Variants in TEX14 observed in about 807,000 individuals in gnomAD.
TEX14 encodes testis expressed 14, intercellular bridge forming factor.
A neutral mutation model predicts 178.6 loss-of-function variants in TEX14; 168 were observed. That is an observed-to-expected ratio of 0.94 (90% CI 0.83 to 1.07). The LOEUF (loss-of-function observed/expected upper bound fraction) is 1.07, where lower values mean the gene tolerates loss of function less well. TEX14 is among the 50% of genes least tolerant of loss of function. The probability of loss-of-function intolerance (pLI) is 0.00; values close to 1 mark genes in which losing one functional copy is unlikely to be tolerated. For missense variants in TEX14, 1,730 were observed against 1,753.6 expected (o/e 0.99, Z 0.24); for synonymous variants, 626 against 634.1 (o/e 0.99, Z 0.19).
intron 10 of TEX14, among the ~76,000 whole-genome samples, chr17:58,609,518 T>C (rs943878600): frequency 4.6e-5 from 7 of 152,160 alleles, no homozygotes; most frequent in Non-Finnish European, 4.4e-5. Context: ...GCTGGAATTA[T>C]AGGCATGAGC....
chr17:58,653,104 T>C (rs1190099768), intron 1 of TEX14, among the ~76,000 whole-genome samples: 1 of 151,972 alleles, frequency 6.6e-6, no homozygotes, highest in Non-Finnish European at 1.5e-5. Context: ...GCCCAGCTAA[T>C]TTTTTGTATT....
chr17:58,570,479 T>C lies in TEX14; in HGVS notation c.3723A>G (p.Arg1241=). Residue 1241 remains arginine (R), a synonymous_variant, in exon 25 of 32, where the codon AGA becomes AGG. Coordinates refer to ENST00000349033, the MANE Select transcript of TEX14 (RefSeq NM_031272.5). ...TPPSRLTGLK[R]LSSFIGAGSP... is the part of the protein sequence containing the mutation. ...ATCCAGCCCCAATAAATGAAGACAA[T>C]CTTTTCTATAAGGAAGAGATAAACA... The C allele has an allele frequency of 6.6e-7, 1 of 1,524,944 alleles. No individual in the cohort carries two copies. 94.5% of individuals were successfully genotyped at this position (1,524,944 alleles called of 1,614,324 possible).
At position 58,621,715 on chromosome 17, in the gene TEX14, CAGG is replaced by C. The variant is rs1567740783; in HGVS notation, c.486_488del (p.Leu163del). The C allele has an allele frequency of 1.2e-6, 2 of 1,614,188 alleles. No individual in the cohort carries two copies. Among genetic ancestry groups the C allele is most frequent in the Admixed American group, 1.7e-5 (1 of 60,018 alleles). On this transcript the variant is annotated inframe_deletion, in exon 5 of 32. Coordinates refer to ENST00000349033, the MANE Select transcript of TEX14 (RefSeq NM_031272.5). ...GCCGCTGCGGGGAGTCTATCTTCTT[CAGG>C]AGGTCGTAAGAGAAGCCCTGGATGA...
At chr17:58,612,259 T>C (rs1440093233) in intron 9 of TEX14, among the ~76,000 whole-genome samples, 1 of 152,118 alleles carries the variant, frequency 6.6e-6, no homozygotes, top group South Asian at 2.1e-4. Context: ...GTGTCTGTAT[T>C]TTCTGGGTCC....
At chr17:58,602,751 T>C (rs2144485650) in intron 11 of TEX14, among the ~76,000 whole-genome samples, 161 bp from the exon 12 acceptor site, 1 of 152,164 alleles carries the variant, frequency 6.6e-6, no homozygotes, top group Admixed American at 6.6e-5. Context: ...TTTCCTTATA[T>C]ATTAATTTCT....
At chr17:58,658,801 T>G (rs1010538806) in intron 1 of TEX14, among the ~76,000 whole-genome samples, 3 of 146,146 alleles carry the variant, frequency 2.1e-5, no homozygotes, top group African/African-American at 7.8e-5. Context: ...ACCCAGGAAT[T>G]TTTTTTTTTT....
At chr17:58,604,717 C>G (rs186859795) in intron 11 of TEX14, among the ~76,000 whole-genome samples, 2 of 151,500 alleles carry the variant, frequency 1.3e-5, no homozygotes, top group African/African-American at 4.8e-5. Context: ...CGTGCCACCA[C>G]GCCCAGCTAA....
chr17:58,635,481 G>A (rs1017959649), intron 2 of TEX14, among the ~76,000 whole-genome samples: 4 of 147,704 alleles, frequency 2.7e-5, no homozygotes, highest in Non-Finnish European at 5.9e-5. Context: ...CCATGCTGGA[G>A]TACAGTGGCA....
At chr17:58,606,224 T>A (rs1598380304) in intron 10 of TEX14, among the ~76,000 whole-genome samples, 1 of 152,198 alleles carries the variant, frequency 6.6e-6, no homozygotes, top group South Asian at 2.1e-4. Context: ...AACTCAGCAC[T>A]GACTTGTGCC....
At chr17:58,620,281 G>A (rs564333878) in intron 5 of TEX14, among the ~76,000 whole-genome samples, 1 of 152,038 alleles carries the variant, frequency 6.6e-6, no homozygotes, top group Non-Finnish European at 1.5e-5. Context: ...AGGTCCTTAA[G>A]GAGTTTTAGC....
At chr17:58,599,982 A>T (rs2045390450) in intron 13 of TEX14, among the ~76,000 whole-genome samples, 1 of 152,150 alleles carries the variant, frequency 6.6e-6, no homozygotes, top group African/African-American at 2.4e-5. Flanking sequence ...CATGCAAATT[A>T]GAGGCCCCTG....
intron 12 of TEX14, 121 bp from the exon 13 acceptor site, chr17:58,602,077 T>C: frequency 1.0e-6 from 1 of 995,258 alleles, no homozygotes; most frequent in Non-Finnish European, 1.5e-6. Context: ...AGACTGACTT[T>C]AGTCCTAATT....
chr17:58,602,431 T>C lies in TEX14; in HGVS notation c.1496A>G (p.Asp499Gly). The change falls in exon 12 of 32, where the codon GAT (aspartate) becomes GGT (glycine). Residue 499 changes from aspartate to glycine, a missense_variant. Asp to Gly is a moderately conservative substitution (Grantham distance 94). Transcript: ENST00000349033. Reference protein sequence around the residue: ...KQKDRTMNLQDIRYILKNDLK... With the variant: ...KQKDRTMNLQGIRYILKNDLK... ...GTCATTCTTCAGAATATACCGGATA[T>C]CTTGAAGGTTCATAGTTCGGTCTTT... 6.2e-7 allele frequency: 1 copy of C among 1,614,034 alleles called. No homozygotes were observed. The highest frequency in any genetic ancestry group is 8.5e-7 in the Non-Finnish European group (1 of 1,179,986).
intron 19 of TEX14, among the ~76,000 whole-genome samples, chr17:58,583,157 G>T (rs1005862906): frequency 6.6e-5 from 10 of 151,526 alleles, no homozygotes; most frequent in Non-Finnish European, 8.8e-5. Context: ...TTTTTAGACA[G>T]GGTCTCACTC....
intron 1 of TEX14, among the ~76,000 whole-genome samples, chr17:58,687,245 G>T (rs1355792714): frequency 6.6e-6 from 1 of 152,012 alleles, no homozygotes; most frequent in Non-Finnish European, 1.5e-5. Flanking sequence ...GCCTACTCTG[G>T]ACTCAGCAGC....
intron 11 of TEX14, among the ~76,000 whole-genome samples, chr17:58,604,069 G>A (rs1409624235): frequency 6.6e-6 from 1 of 151,980 alleles, no homozygotes; most frequent in Non-Finnish European, 1.5e-5. Flanking sequence ...AATGGACACA[G>A]GGTGTGTTTC....
rs56343451 is a variant in TEX14, at chr17:58,586,089, A to G, written c.2789-7T>C. ...GCCATTTCTTTCACCTCCACTGTGC[A>G]TAAGAGAAAGCAGCATTTAAAACAT... On this transcript the variant is annotated splice_region_variant and splice_polypyrimidine_tract_variant and intron_variant, in intron 17 of 31. Transcript: ENST00000349033. 0.013 allele frequency: 20,145 copies of G among 1,604,244 alleles called. 171 individuals are homozygous for G. The highest frequency in any genetic ancestry group is 0.017 in the Middle Eastern group (103 of 5,964).
chr17:58,570,196 G>C (rs935859958), intron 25 of TEX14, among the ~76,000 whole-genome samples, 189 bp downstream of exon 25: 4 of 151,762 alleles, frequency 2.6e-5, no homozygotes, highest in Non-Finnish European at 5.9e-5. Context: ...GGTTAAAAAA[G>C]TGTATAGTCA....
chr17:58,600,509 C>T (rs1017956792), intron 13 of TEX14, among the ~76,000 whole-genome samples: 7 of 149,694 alleles, frequency 4.7e-5, no homozygotes, highest in South Asian at 2.1e-4. Flanking sequence ...TGCAGTAAAC[C>T]GAGATTGCGC....
Sources: gnomAD v4.1 joint callset for allele counts (sites outside exome capture counted in the v4.1 genomes callset) on GRCh38, gnomAD v4.1.1 for gene constraint, MANE v1.5 for transcripts, NCBI Gene and HGNC (gene_info 2026-07-23, HGNC 2026-07-21) for gene names.